The following SOCS5 variants were observed in gnomAD, a reference collection of about 807,000 sequenced individuals.
The protein encoded by SOCS5 is CIS-6.
Under a neutral mutation model 42.8 loss-of-function variants are expected in SOCS5, and 32 were observed. That is an observed-to-expected ratio of 0.75 (90% CI 0.56 to 1.01). The LOEUF (loss-of-function observed/expected upper bound fraction) is 1.01. Among genes scored for constraint, SOCS5 ranks in the 50% least tolerant of loss-of-function variants. The pLI, the probability that SOCS5 is intolerant of heterozygous loss-of-function variation, is 0.00. For missense variants in SOCS5, 627 were observed against 653.0 expected, an observed-to-expected ratio of 0.96 and a Z score of 0.43; for synonymous variants, 283 against 229.6, an observed-to-expected ratio of 1.23 and a Z score of -2.10.
At chr2:46,746,922 CTTTTTTTTT>C (rs11373537) in intron 1 of SOCS5, among the ~76,000 whole-genome samples, 2 of 70,792 alleles carry the variant, frequency 2.8e-5, no homozygotes, top group South Asian at 6.3e-4. Flanking sequence ...GACTTTATTT[CTTTTTTTTT>C]TTTTTTTTTT....
rs1177478767 is a variant in SOCS5, at chr2:46,759,661, A to G, written c.1131A>G (p.Thr377=). 2 of 1,614,110 alleles carry G rather than the reference A, an allele frequency of 1.2e-6. No individual in the cohort carries two copies. Among genetic ancestry groups the G allele is most frequent in the Non-Finnish European group, 8.5e-7 (1 of 1,179,990 alleles). The change falls in exon 2 of 2, where the codon ACA becomes ACG. Residue 377 remains threonine (T), a synonymous_variant. Coordinates refer to ENST00000394861, the MANE Select transcript of SOCS5 (RefSeq NM_144949.3). ...HCLVPDLLQI[T]GNPCYWGVMD... ...TCGTGCCTGATTTGCTTCAAATTAC[A>G]GGGAATCCCTGTTACTGGGGAGTGA...
rs35861326 is a variant in SOCS5, at chr2:46,748,189, C to CTT, written c.-12-10315_-12-10314dup. 1.5e-3 allele frequency among the ~76,000 whole-genome samples: 209 copies of CTT among 138,782 alleles called. 1 individual carries two copies. The highest frequency in any genetic ancestry group is 2.8e-3 in the Admixed American group (38 of 13,578). The allele number at this position is 138,782 out of a possible 152,430, so 91.0% of individuals were successfully genotyped here. ...CCATTGTCTTTTCTCTTTTCTTTTT[C>CTT]TTTTTTTTTTTTTTTTGACACAGTC... On this transcript the variant is annotated intron_variant, in intron 1 of 1. Transcript: ENST00000394861.
intron 1 of SOCS5, among the ~76,000 whole-genome samples, chr2:46,712,815 G>A (rs956285838): frequency 6.6e-6 from 1 of 150,382 alleles, no homozygotes; most frequent in Non-Finnish European, 1.5e-5. Flanking sequence ...TTTTGTTTTT[G>A]CTTTTTGTTT....
At chr2:46,752,307 C>G (rs1338223658) in intron 1 of SOCS5, among the ~76,000 whole-genome samples, 2 of 151,948 alleles carry the variant, frequency 1.3e-5, no homozygotes, top group Admixed American at 1.3e-4. Flanking sequence ...TTATGAGACT[C>G]TTAACTAATG....
chr2:46,722,254 G>A (rs751672262), intron 1 of SOCS5, among the ~76,000 whole-genome samples: 4 of 151,958 alleles, frequency 2.6e-5, no homozygotes, highest in Non-Finnish European at 5.9e-5. Context: ...CCTTCCAGCT[G>A]TCTTCATTCT....
At position 46,760,096 on chromosome 2, in the gene SOCS5, A is replaced by G; in HGVS notation, c.1566A>G (p.Lys522=). 6.2e-7 allele frequency: 1 copy of G among 1,613,900 alleles called. No individual in the cohort carries two copies. The highest frequency in any genetic ancestry group is 8.5e-7 in the Non-Finnish European group (1 of 1,179,860). Residue 522 remains lysine, a synonymous_variant, in exon 2 of 2, where the codon AAA becomes AAG. Coordinates refer to ENST00000394861, the MANE Select transcript of SOCS5 (RefSeq NM_144949.3). ...DFLKEYHYKQ[K]VRVRWLEREP... is the part of the protein sequence containing the mutation. ...TAAAAGAGTATCATTATAAACAAAA[A>G]GTTAGAGTTCGCTGGTTGGAACGAG...
chr2:46,743,599 CT>C (rs1382577018), intron 1 of SOCS5, among the ~76,000 whole-genome samples: 2 of 152,122 alleles, frequency 1.3e-5, no homozygotes, highest in Non-Finnish European at 2.9e-5. Context: ...TGCTGACCTC[CT>C]ATCTCATCCT....
intron 1 of SOCS5, among the ~76,000 whole-genome samples, chr2:46,744,950 A>G (rs1364297761): frequency 6.6e-6 from 1 of 150,384 alleles, no homozygotes; most frequent in East Asian, 1.9e-4. Flanking sequence ...GGAAAGTTTT[A>G]TATTTTATTG....
intron 1 of SOCS5, among the ~76,000 whole-genome samples, chr2:46,738,034 T>C (rs1673291505): frequency 6.6e-6 from 1 of 152,190 alleles, no homozygotes; most frequent in South Asian, 2.1e-4. Flanking sequence ...ATAAACCCTT[T>C]TAGAGAAATC....
chr2:46,716,457 C>G (rs538201356), intron 1 of SOCS5, among the ~76,000 whole-genome samples: 2 of 109,574 alleles, frequency 1.8e-5, no homozygotes, highest in Admixed American at 1.2e-4. Context: ...TATGGATCAA[C>G]TTTTAAACAT....
At chr2:46,699,186 T>C (rs1200337222), upstream of SOCS5, 1 of 141,098 alleles carries the variant, frequency 7.1e-6, no homozygotes, top group Admixed American at 6.9e-5. The surrounding 1 kb of genome is among the most constrained non-coding windows in gnomAD (Gnocchi z 4.8). Context: ...TCCATTCTGG[T>C]GGGGGTTGGG....
rs375556375 is a variant in SOCS5, at chr2:46,758,565, A to C, written c.35A>C (p.Lys12Thr). The C allele has an allele frequency of 1.9e-6, 3 of 1,603,608 alleles. No homozygotes were observed. The highest frequency in any genetic ancestry group is 1.1e-5 in the South Asian group (1 of 88,556). ...GTGGGAAAAATGTGGAATAACTTCA[A>C]ATACAGGTGTCAGAATCTCTTCGGT... ...DKVGKMWNNF[K>T]YRCQNLFGHE... The change falls in exon 2 of 2, where the codon AAA becomes ACA. Residue 12 changes from lysine (K) to threonine (T), a missense_variant. This residue lies in a region of SOCS5 where 278 missense variants were observed against 246.3 expected (regional missense o/e 1.13). Transcript: ENST00000394861.
At chr2:46,733,581 GAAAA>G (rs78296105) in intron 1 of SOCS5, among the ~76,000 whole-genome samples, 2 of 92,016 alleles carry the variant, frequency 2.2e-5, no homozygotes, top group East Asian at 3.5e-4. Flanking sequence ...AAAAAAAAAA[GAAAA>G]AAAAAAAAAA....
intron 1 of SOCS5, among the ~76,000 whole-genome samples, chr2:46,709,879 CT>C (rs901817955): frequency 1.3e-5 from 2 of 152,120 alleles, no homozygotes; most frequent in African/African-American, 4.8e-5. Flanking sequence ...TCCCTTGTAT[CT>C]TTTTGTTTTC....
intron 1 of SOCS5, among the ~76,000 whole-genome samples, chr2:46,749,581 G>T (rs1673580402): frequency 6.6e-6 from 1 of 152,136 alleles, no homozygotes; most frequent in African/African-American, 2.4e-5. Context: ...AACCTCTTAG[G>T]ATTTTAGGCT....
chr2:46,754,833 G>A (rs1211012969), intron 1 of SOCS5, among the ~76,000 whole-genome samples: 1 of 152,090 alleles, frequency 6.6e-6, no homozygotes, highest in East Asian at 1.9e-4. Flanking sequence ...AAAGGCCAGA[G>A]GATTCTTAGA....
chr2:46,740,971 A>G (rs916381310), intron 1 of SOCS5, among the ~76,000 whole-genome samples: 3 of 152,186 alleles, frequency 2.0e-5, no homozygotes, highest in Admixed American at 1.3e-4. Context: ...GTTGAAATTC[A>G]TTAGTGATAT....
intron 1 of SOCS5, among the ~76,000 whole-genome samples, chr2:46,700,340 A>G (rs1384456309): frequency 6.6e-6 from 1 of 152,186 alleles, no homozygotes; most frequent in Non-Finnish European, 1.5e-5. Flanking sequence ...ATGGTATTCT[A>G]TCAGTCACAA....
intron 1 of SOCS5, among the ~76,000 whole-genome samples, chr2:46,734,419 C>T (rs1201974621): frequency 6.6e-6 from 1 of 152,060 alleles, no homozygotes; most frequent in Non-Finnish European, 1.5e-5. Flanking sequence ...AACCTGCATA[C>T]AGGTATAGGC....
Sources: gnomAD v4.1 joint callset for allele counts (sites outside exome capture counted in the v4.1 genomes callset) on GRCh38, gnomAD v4.1.1 for gene constraint, gnomAD v4.1.1 regional missense constraint, Gnocchi (gnomAD v3.1) non-coding constraint, MANE v1.5 for transcripts, NCBI Gene and HGNC (gene_info 2026-07-23, HGNC 2026-07-21) for gene names.